OTUD7A: variants seen among roughly 807,000 people sequenced by gnomAD.
The protein encoded by OTUD7A is OTU deubiquitinase 7A.
A neutral mutation model predicts 65.7 loss-of-function variants in OTUD7A; 12 were observed. The ratio of observed to expected loss-of-function variants is 0.18; its 90% CI spans 0.12 to 0.30. OTUD7A has a LOEUF of 0.30. OTUD7A is among the 10% of genes least tolerant of loss of function. OTUD7A has a pLI of 1.00. For synonymous variants in OTUD7A, 641 were observed against 586.3 expected (o/e 1.09, Z -1.35); for missense variants, 1,148 against 1,304.8 (o/e 0.88, Z 1.85).
At chr15:31,691,076 G>C (rs1386729246) in intron 1 of OTUD7A, among the ~76,000 whole-genome samples, 4 of 152,142 alleles carry the variant, frequency 2.6e-5, no homozygotes, top group Admixed American at 2.0e-4. Context: ...CAGAACCCCT[G>C]TAACTCAACA....
chr15:31,854,869 T>A (rs1165757253), intron 1 of OTUD7A, among the ~76,000 whole-genome samples: 2 of 146,670 alleles, frequency 1.4e-5, no homozygotes, highest in Non-Finnish European at 3.0e-5. Flanking sequence ...AGAAAGAGAA[T>A]CAGAGCATGG....
intron 3 of OTUD7A, among the ~76,000 whole-genome samples, chr15:31,647,994 T>A (rs1479768822): frequency 6.6e-6 from 1 of 151,964 alleles, no homozygotes; most frequent in African/African-American, 2.4e-5. Flanking sequence ...AGGGACGGAA[T>A]AGGACTAGAT....
intron 1 of OTUD7A, among the ~76,000 whole-genome samples, chr15:31,787,295 T>C (rs1895700073): frequency 6.6e-6 from 1 of 152,356 alleles, no homozygotes; most frequent in East Asian, 1.9e-4. Context: ...TACCTTGGAA[T>C]TTAATTCTTA....
intron 1 of OTUD7A, among the ~76,000 whole-genome samples, chr15:31,729,351 T>A (rs1283517299): frequency 3.9e-5 from 6 of 152,194 alleles, no homozygotes; most frequent in African/African-American, 1.4e-4. Flanking sequence ...TTAGTCCTGG[T>A]CTGTAATAAT....
At chr15:31,816,605 A>G (rs1414622650) in intron 1 of OTUD7A, among the ~76,000 whole-genome samples, 1 of 152,044 alleles carries the variant, frequency 6.6e-6, no homozygotes, top group Non-Finnish European at 1.5e-5. Context: ...GAGGCAGGAG[A>G]ATGGCGTGAA....
At chr15:31,868,675 G>A (rs1339647296) in intron 1 of OTUD7A, among the ~76,000 whole-genome samples, 1 of 152,130 alleles carries the variant, frequency 6.6e-6, no homozygotes, top group African/African-American at 2.4e-5. Context: ...CTCAGAGAAA[G>A]GTGTCCCCTC....
chr15:31,751,924 G>GA (rs1325079993), intron 1 of OTUD7A, among the ~76,000 whole-genome samples: 9 of 152,212 alleles, frequency 5.9e-5, no homozygotes, highest in African/African-American at 2.2e-4. Context: ...GGCAAGGGCT[G>GA]AAAAACTACC....
chr15:31,824,287 G>A (rs909745280), intron 1 of OTUD7A, among the ~76,000 whole-genome samples: 6 of 152,098 alleles, frequency 3.9e-5, no homozygotes, highest in African/African-American at 9.7e-5. Flanking sequence ...TCTCACCCCC[G>A]ACCCTCCATC....
chr15:31,677,572 G>C (rs1892621773), intron 1 of OTUD7A, among the ~76,000 whole-genome samples: 2 of 152,108 alleles, frequency 1.3e-5, no homozygotes, highest in East Asian at 3.9e-4. Flanking sequence ...GAGATCTGAT[G>C]GTTTTTATAA....
rs1267589806 is a variant in OTUD7A at position 31,498,827 on chromosome 15, T to G, written c.1171+2863A>C. On this transcript the variant is annotated intron_variant, in intron 10 of 12. Coordinates refer to ENST00000307050, the MANE Select transcript of OTUD7A (RefSeq NM_001382637.1). This position sits in a 1 kb window ranked among gnomAD's most constrained non-coding sequence, Gnocchi z 4.2. ...TATCTAAAAAGTCCTAAGATAAATT[T>G]GCAAAGCCTGGGCCACTGAGGTTGC... 6.6e-6 allele frequency among the ~76,000 whole-genome samples: 1 copy of G among 152,224 alleles called. No homozygotes were observed. Among genetic ancestry groups the G allele is most frequent in the African/African-American group, 2.4e-5 (1 of 41,452 alleles).
At chr15:31,500,742 G>A (rs1429106662) in intron 10 of OTUD7A, among the ~76,000 whole-genome samples, 2 of 152,224 alleles carry the variant, frequency 1.3e-5, no homozygotes, top group African/African-American at 4.8e-5. Flanking sequence ...AGACACCCCT[G>A]AGCTTCCTTC....
chr15:31,509,413 G>A (rs1355887934), intron 8 of OTUD7A, among the ~76,000 whole-genome samples: 1 of 151,996 alleles, frequency 6.6e-6, no homozygotes, highest in African/African-American at 2.4e-5. Flanking sequence ...CGAGTAGCTG[G>A]GACTACAGGT....
intron 1 of OTUD7A, chr15:31,766,654 G>A (rs1895101349): frequency 2.5e-6 from 4 of 1,601,164 alleles, no homozygotes; most frequent in African/African-American, 2.7e-5. Context: ...CAAACTCTGA[G>A]ACCTTCAAAG....
At chr15:31,527,359 GAC>G in intron 6 of OTUD7A, 51 bp from the exon 7 acceptor site, 1 of 1,598,920 alleles carries the variant, frequency 6.3e-7, no homozygotes, top group Non-Finnish European at 8.5e-7. Context: ...CATGAGAAAA[GAC>G]AAGCCAGAGG....
intron 3 of OTUD7A, among the ~76,000 whole-genome samples, chr15:31,640,052 A>C (rs559377901): frequency 6.6e-6 from 1 of 152,190 alleles, no homozygotes; most frequent in Non-Finnish European, 1.5e-5. Flanking sequence ...TGGATTGTTC[A>C]TGGGGTATCA....
At chr15:31,535,852 A>G (rs1566908661) in intron 5 of OTUD7A, among the ~76,000 whole-genome samples, 1 of 149,268 alleles carries the variant, frequency 6.7e-6, no homozygotes, top group Admixed American at 6.7e-5. Flanking sequence ...AATTTTTTGT[A>G]TTTTTTTTTA....
chr15:31,647,630 A>G (rs1335439065), intron 3 of OTUD7A, among the ~76,000 whole-genome samples: 8 of 151,902 alleles, frequency 5.3e-5, no homozygotes, highest in African/African-American at 1.9e-4. Context: ...CTTCTCCCCG[A>G]CTTAGTTATC....
At chr15:31,852,962 G>T (rs1045088873) in intron 1 of OTUD7A, among the ~76,000 whole-genome samples, 3 of 152,220 alleles carry the variant, frequency 2.0e-5, no homozygotes, top group Non-Finnish European at 2.9e-5. Flanking sequence ...TACAGGGACA[G>T]GCTGAGGAGG....
chr15:31,632,891 G>A (rs181480594), intron 3 of OTUD7A, among the ~76,000 whole-genome samples: 103 of 152,340 alleles, frequency 6.8e-4, no homozygotes, highest in African/African-American at 2.4e-3. Flanking sequence ...CTAGCAATCA[G>A]GGAGACTCCG....
Sources: gnomAD v4.1 joint callset for allele counts (sites outside exome capture counted in the v4.1 genomes callset) on GRCh38, gnomAD v4.1.1 for gene constraint, Gnocchi (gnomAD v3.1) non-coding constraint, MANE v1.5 for transcripts, NCBI Gene and HGNC (gene_info 2026-07-23, HGNC 2026-07-21) for gene names.